LINGO2: variants seen among roughly 807,000 people sequenced by gnomAD.
LINGO2 encodes the protein leucine-rich repeat and immunoglobulin-like domain-containing nogo receptor-interacting protein 2.
A neutral mutation model predicts 30.6 loss-of-function variants in LINGO2; 14 were observed. That is an observed-to-expected ratio of 0.46 (90% CI 0.30 to 0.72). The LOEUF (loss-of-function observed/expected upper bound fraction) is 0.72, where lower values mean the gene tolerates loss of function less well. Ranked by LOEUF, LINGO2 falls within the 30% of genes least tolerant of loss-of-function variation. LINGO2 has a pLI of 0.07. For missense variants in LINGO2, 729 were observed against 751.7 expected (o/e 0.97, Z 0.35); for synonymous variants, 317 against 288.5 (o/e 1.10, Z -1.00).
At position 28,430,109 on chromosome 9, in the gene LINGO2, C is replaced by CGCGCGCGCGT. The variant is rs569701444; in HGVS notation, c.-279+45830_-279+45831insACGCGCGCGC. Among the ~76,000 whole-genome samples, 432 of 136,174 alleles carry CGCGCGCGCGT rather than the reference C, an allele frequency of 3.2e-3. 1 individual carries two copies. Among genetic ancestry groups the CGCGCGCGCGT allele is most frequent in the Non-Finnish European group, 5.4e-3 (324 of 59,826 alleles). The allele number at this position is 136,174 out of a possible 152,430, so 89.3% of individuals were successfully genotyped here. A position where few individuals can be genotyped will look rare whatever the true frequency, so the allele number is the denominator to read the frequency against. ...AGGCTGATTTCCACGCGCGCGCGCG[C>CGCGCGCGCGT]GTGTGTGTGTGTGTGTGTGTGATTC... On this transcript the variant is annotated intron_variant, in intron 2 of 5. Transcript: ENST00000379992.
intron 3 of LINGO2, among the ~76,000 whole-genome samples, chr9:28,349,790 C>G (rs1819772484): frequency 6.6e-6 from 1 of 151,744 alleles, no homozygotes. Flanking sequence ...ATCAGACTAA[C>G]AGCGGATCTC....
intron 1 of LINGO2, among the ~76,000 whole-genome samples, chr9:28,563,659 G>A (rs942538460): frequency 4.0e-5 from 6 of 150,744 alleles, no homozygotes; most frequent in African/African-American, 1.5e-4. Context: ...ATTGATGAGT[G>A]CTTTCTCTGT....
the LINGO2 span, among the ~76,000 whole-genome samples, chr9:29,044,909 C>G: frequency 2.0e-5 from 3 of 151,954 alleles, no homozygotes; most frequent in Non-Finnish European, 4.4e-5. Context: ...TAAAATGGAA[C>G]AAGTATAACA....
chr9:28,089,306 C>T (rs971547959), intron 4 of LINGO2, among the ~76,000 whole-genome samples: 5 of 152,012 alleles, frequency 3.3e-5, no homozygotes, highest in African/African-American at 1.2e-4. Context: ...ATTGACCACA[C>T]AGTTGGAAGT....
intron 3 of LINGO2, among the ~76,000 whole-genome samples, chr9:28,298,496 T>C (rs1480494037): frequency 7.5e-6 from 1 of 132,754 alleles, no homozygotes; most frequent in Non-Finnish European, 1.6e-5. Flanking sequence ...ATCCTGTCTC[T>C]ACCAAAAAAA....
chr9:28,971,719 C>T, the LINGO2 span, among the ~76,000 whole-genome samples: 1 of 152,240 alleles, frequency 6.6e-6, no homozygotes, highest in Non-Finnish European at 1.5e-5. Flanking sequence ...CCTAGCGGAA[C>T]TTGGTGCCCT....
intron 1 of LINGO2, among the ~76,000 whole-genome samples, chr9:28,479,338 G>A (rs2135209081): frequency 6.6e-6 from 1 of 151,848 alleles, no homozygotes; most frequent in East Asian, 1.9e-4. Context: ...ATTTTAGGTA[G>A]CCAATTATAT....
At chr9:28,425,805 C>A (rs776996698) in intron 2 of LINGO2, among the ~76,000 whole-genome samples, 1 of 151,902 alleles carries the variant, frequency 6.6e-6, no homozygotes, top group Admixed American at 6.6e-5. Flanking sequence ...GTTATCACAC[C>A]GTATTGTCCA....
At chr9:27,980,110 G>A (rs566310759) in intron 5 of LINGO2, among the ~76,000 whole-genome samples, 27 of 151,976 alleles carry the variant, frequency 1.8e-4, no homozygotes, top group African/African-American at 5.8e-4. Context: ...CAAGAATTTT[G>A]CCTTGATACT....
At chr9:29,099,096 C>T in the LINGO2 span, among the ~76,000 whole-genome samples, 13 of 152,120 alleles carry the variant, frequency 8.5e-5, no homozygotes, top group Admixed American at 7.9e-4. Flanking sequence ...AGTGAATTCA[C>T]TTTAGACAAA....
intron 4 of LINGO2, among the ~76,000 whole-genome samples, chr9:28,118,715 G>A (rs2133387356): frequency 6.6e-6 from 1 of 152,190 alleles, no homozygotes; most frequent in Admixed American, 6.5e-5. Context: ...ATTAACTTAT[G>A]CTTCATAAGT....
chr9:28,747,507 G>C, the LINGO2 span, among the ~76,000 whole-genome samples: 1 of 152,074 alleles, frequency 6.6e-6, no homozygotes, highest in Non-Finnish European at 1.5e-5. Flanking sequence ...AGCTGAAAGA[G>C]CACAGTGTAG....
intron 4 of LINGO2, among the ~76,000 whole-genome samples, chr9:28,219,006 A>G (rs2133888660): frequency 6.6e-6 from 1 of 152,288 alleles, no homozygotes; most frequent in Admixed American, 6.5e-5. Context: ...ATTTGCCAGA[A>G]ATTCTAATCA....
chr9:28,961,674 G>C, the LINGO2 span, among the ~76,000 whole-genome samples: 1 of 152,146 alleles, frequency 6.6e-6, no homozygotes, highest in Non-Finnish European at 1.5e-5. Context: ...GTTCTGTGCT[G>C]AATTTATACA....
At chr9:28,601,969 G>A (rs909566063) in intron 1 of LINGO2, among the ~76,000 whole-genome samples, 1 of 152,038 alleles carries the variant, frequency 6.6e-6, no homozygotes, top group African/African-American at 2.4e-5. Flanking sequence ...AACTTCAAAG[G>A]TATAACATTT....
intron 4 of LINGO2, among the ~76,000 whole-genome samples, chr9:28,198,224 G>A (rs1820085926): frequency 6.7e-6 from 1 of 148,954 alleles, no homozygotes; most frequent in Admixed American, 6.8e-5. Flanking sequence ...AAAAAATGAT[G>A]TGCCATTTCT....
At chr9:29,062,300 A>G in the LINGO2 span, among the ~76,000 whole-genome samples, 93 of 152,272 alleles carry the variant, frequency 6.1e-4, no homozygotes, top group African/African-American at 2.2e-3. Flanking sequence ...AAAATTAAAA[A>G]TAGAATTACC....
chr9:28,879,284 A>C, the LINGO2 span, among the ~76,000 whole-genome samples: 2 of 152,130 alleles, frequency 1.3e-5, no homozygotes, highest in Non-Finnish European at 2.9e-5. Flanking sequence ...ACAAGGGTCT[A>C]TTCTAAAATG....
At chr9:28,250,418 A>T (rs535973731) in intron 4 of LINGO2, among the ~76,000 whole-genome samples, 1 of 152,302 alleles carries the variant, frequency 6.6e-6, no homozygotes, top group African/African-American at 2.4e-5. Flanking sequence ...TTTGCCTCAG[A>T]TATCCCAGAC....
Sources: allele counts gnomAD v4.1 joint callset (sites outside exome capture counted in the v4.1 genomes callset), GRCh38; gene constraint gnomAD v4.1.1; transcripts MANE v1.5; gene names NCBI Gene and HGNC (gene_info 2026-07-23, HGNC 2026-07-21).